The following CEP95 variants were observed in gnomAD, a reference collection of about 807,000 sequenced individuals.
CEP95 encodes centrosomal protein of 95 kDa.
In CEP95, 98 loss-of-function variants were observed where a neutral mutation model predicts 111.2. The ratio of observed to expected loss-of-function variants is 0.88; its 90% CI spans 0.75 to 1.04. The LOEUF (loss-of-function observed/expected upper bound fraction) is 1.04, where lower values mean the gene tolerates loss of function less well. Among genes scored for constraint, CEP95 ranks in the 50% least tolerant of loss-of-function variants. The pLI is 0.00. For missense variants in CEP95, 1,027 were observed against 977.2 expected (o/e 1.05, Z -0.68); for synonymous variants, 323 against 327.1 (o/e 0.99, Z 0.14).
At chr17:64,531,741 A>C (rs1968293819) in intron 13 of CEP95, 149 bp from the exon 14 acceptor site, 2 of 521,538 alleles carry the variant, frequency 3.8e-6, no homozygotes, top group South Asian at 7.9e-5. Flanking sequence ...CAGATTTTAC[A>C]AATTTGAAGT....
intron 8 of CEP95, among the ~76,000 whole-genome samples, chr17:64,524,178 CTG>C (rs1967605682): frequency 1.3e-5 from 2 of 152,138 alleles, no homozygotes; most frequent in South Asian, 4.1e-4. Context: ...TGGTAATACT[CTG>C]TTTCTTGACC....
intron 5 of CEP95, among the ~76,000 whole-genome samples, chr17:64,517,075 C>T (rs1555676539): frequency 6.6e-6 from 1 of 152,028 alleles, no homozygotes; most frequent in Non-Finnish European, 1.5e-5. Flanking sequence ...GAGACGGAGT[C>T]TCATTCTGTT....
intron 14 of CEP95, chr17:64,532,368 T>C: frequency 3.0e-6 from 3 of 985,466 alleles, no homozygotes; most frequent in Non-Finnish European, 3.6e-6. Context: ...GCAGATGGCC[T>C]GTCCACCTCC....
At chr17:64,525,168 C>A (rs1257203253) in intron 8 of CEP95, among the ~76,000 whole-genome samples, 2 of 151,674 alleles carry the variant, frequency 1.3e-5, no homozygotes, top group East Asian at 3.9e-4. Flanking sequence ...TGCGAAACAC[C>A]GTCTTTACTA....
At position 64,510,299 on chromosome 17, in the gene CEP95, A is replaced by C; in HGVS notation, c.256+19A>C. Reference sequence around the variant, plus strand: ...ATAACAGGTTGGTATATGTATAACTATCACATAATTATGCATTTTAGTAAA... The same window carrying C: ...ATAACAGGTTGGTATATGTATAACTCTCACATAATTATGCATTTTAGTAAA... On this transcript the variant is annotated intron_variant, in intron 3 of 19. Transcript: ENST00000556440. 7.4e-7 allele frequency: 1 copy of C among 1,360,508 alleles called. No individual in the cohort carries two copies. The allele number at this position is 1,360,508 out of a possible 1,614,324, so 84.3% of individuals were successfully genotyped here. A position where few individuals can be genotyped will look rare whatever the true frequency, so the allele number is the denominator to read the frequency against.
chr17:64,511,924 C>T (rs556590490), intron 3 of CEP95, among the ~76,000 whole-genome samples: 4 of 152,306 alleles, frequency 2.6e-5, no homozygotes, highest in Non-Finnish European at 4.4e-5. Flanking sequence ...CCTGACTTCT[C>T]GCAACACCTG....
At chr17:64,533,634 A>G (rs1968443946) in intron 16 of CEP95, among the ~76,000 whole-genome samples, 7 of 152,156 alleles carry the variant, frequency 4.6e-5, no homozygotes, top group Admixed American at 4.6e-4. Context: ...CAAACCCAAA[A>G]TGGGCAGGAG....
chr17:64,510,256 C>G lies in CEP95; in HGVS notation c.232C>G (p.Gln78Glu), dbSNP rs372790513. ...VIDSLALDYLQVSLSHITGEN... is the reference protein window; with the variant it reads ...VIDSLALDYLEVSLSHITGEN... ...TGATTCACTGGCCTTGGACTACTTGCAGGTCAGCTTGTCTCACATAACAGG... is the reference window on the plus strand; with the variant it reads ...TGATTCACTGGCCTTGGACTACTTGGAGGTCAGCTTGTCTCACATAACAGG... Residue 78 changes from glutamine to glutamate, a missense_variant, in exon 3 of 20, where the codon CAG (glutamine) becomes GAG (glutamate). Physicochemically the swap from Gln to Glu is conservative, Grantham distance 29 (BLOSUM62 2). Coordinates refer to ENST00000556440, the MANE Select transcript of CEP95 (RefSeq NM_138363.3). The G allele has an allele frequency of 2.5e-6, 4 of 1,607,272 alleles. No individual in the cohort carries two copies. The highest frequency in any genetic ancestry group is 1.3e-5 in the African/African-American group (1 of 74,808).
chr17:64,523,141 T>C (rs987482892), intron 8 of CEP95, among the ~76,000 whole-genome samples: 1 of 152,168 alleles, frequency 6.6e-6, no homozygotes, highest in Non-Finnish European at 1.5e-5. Flanking sequence ...TCTAGGAAGA[T>C]AGGAGAAAAA....
At chr17:64,534,181 CT>C (rs1968482976) in intron 16 of CEP95, 1 of 183,552 alleles carries the variant, frequency 5.4e-6, no homozygotes, top group East Asian at 1.5e-4. Flanking sequence ...TTTATTTTCA[CT>C]CCTTTGTCAG....
rs370835805 is a variant in CEP95, at chr17:64,531,879, C to T, written c.1540-11C>T. ...CTTTTATTTTTATTCTGTTTTATAT[C>T]TGCTTCTAAGGAAAAAATATACAGA... On this transcript the variant is annotated splice_polypyrimidine_tract_variant and intron_variant, in intron 13 of 19. Transcript: ENST00000556440. The T allele has an allele frequency of 1.4e-5, 22 of 1,536,616 alleles. No homozygotes were observed. Among genetic ancestry groups the T allele is most frequent in the South Asian group, 2.5e-5 (2 of 80,298 alleles).
At position 64,536,767 on chromosome 17, in the gene CEP95, C is replaced by T. The variant is rs373509171; in HGVS notation, c.2217+19C>T. On this transcript the variant is annotated intron_variant, in intron 18 of 19. Transcript: ENST00000556440. The stretch of plus-strand genomic sequence containing the variant: ...GGACCAGGTGGGCTCCTGGCACTTG[C>T]TTACGCTGTTGTGCTTAGTCCTGAC... 5.7e-6 allele frequency: 9 copies of T among 1,588,828 alleles called. No individual in the cohort carries two copies. The African/African-American group carries it at 6.9e-5, about 12-fold the overall frequency.
intron 19 of CEP95, 129 bp downstream of exon 19, chr17:64,537,241 T>C: frequency 6.9e-7 from 1 of 1,439,834 alleles, no homozygotes; most frequent in Non-Finnish European, 9.2e-7. Context: ...GACTGTACTC[T>C]CTAGGTTTGT....
intron 16 of CEP95, among the ~76,000 whole-genome samples, chr17:64,533,778 G>A (rs1409608727): frequency 6.6e-6 from 1 of 152,116 alleles, no homozygotes; most frequent in African/African-American, 2.4e-5. Context: ...TGATAAGCAA[G>A]GGACACAGCT....
rs782641519 is a variant in CEP95, at chr17:64,529,299, C to T, written c.1318C>T (p.Arg440Cys). 27 of 1,612,154 alleles carry T rather than the reference C, an allele frequency of 1.7e-5. No individual in the cohort carries two copies. The highest frequency in any genetic ancestry group is 7.7e-5 in the South Asian group (7 of 90,808). Residue 440 changes from arginine (R) to cysteine (C), a missense_variant, in exon 12 of 20, where the codon CGT becomes TGT. Arg to Cys is a radical substitution (Grantham distance 180). Coordinates refer to ENST00000556440, the MANE Select transcript of CEP95 (RefSeq NM_138363.3). ...TTTCTCTGTTGCAGGACTTTCCATGCGTAGAAAGCCACCCTACAGATCCCA... is the reference window on the plus strand; with the variant it reads ...TTTCTCTGTTGCAGGACTTTCCATGTGTAGAAAGCCACCCTACAGATCCCA... ...PKKSRPGLSM[R>C]RKPPYRSHSL...
At chr17:64,520,682 C>G (rs1555677483) in intron 6 of CEP95, 1 of 152,202 alleles carries the variant, frequency 6.6e-6, no homozygotes, top group African/African-American at 2.4e-5. Context: ...ATCTGCCTGC[C>G]TTGGCCTCCC....
intron 17 of CEP95, chr17:64,535,312 G>A (rs1310327227): frequency 1.9e-5 from 3 of 157,530 alleles, no homozygotes; most frequent in South Asian, 1.9e-4. Flanking sequence ...ATGCGTCGCC[G>A]TCAGAACCAG....
At chr17:64,536,853 G>GT in intron 18 of CEP95, 105 bp downstream of exon 18, 1 of 1,361,170 alleles carries the variant, frequency 7.3e-7, no homozygotes, top group Non-Finnish European at 1.0e-6. Flanking sequence ...GTTAACTGAA[G>GT]TTTGCACTCT....
At chr17:64,526,341 A>T (rs927344543) in intron 10 of CEP95, 141 bp downstream of exon 10, 1 of 805,242 alleles carries the variant, frequency 1.2e-6, no homozygotes, top group Non-Finnish European at 1.9e-6. Context: ...TAAGTCAAGC[A>T]GGTAGAACAG....
Sources: gnomAD v4.1 joint callset for allele counts (sites outside exome capture counted in the v4.1 genomes callset) on GRCh38, gnomAD v4.1.1 for gene constraint, MANE v1.5 for transcripts, NCBI Gene and HGNC (gene_info 2026-07-23, HGNC 2026-07-21) for gene names.